DDX46: variants seen among roughly 807,000 people sequenced by gnomAD.
DDX46 encodes DEAD-box helicase 46.
Under a neutral mutation model 134.9 loss-of-function variants are expected in DDX46, and 30 were observed. The observed-to-expected ratio is 0.22, with a 90% CI of 0.17 to 0.30. DDX46 has a LOEUF of 0.30. Among genes scored for constraint, DDX46 ranks in the 10% least tolerant of loss-of-function variants. The pLI is 1.00. For synonymous variants in DDX46, 415 were observed against 404.1 expected, an observed-to-expected ratio of 1.03 and a Z score of -0.32; for missense variants, 622 against 1,248.7, an observed-to-expected ratio of 0.50 and a Z score of 7.56.
intron 12 of DDX46, among the ~76,000 whole-genome samples, chr5:134,788,991 A>C (rs1374718023): frequency 6.6e-6 from 1 of 152,180 alleles, no homozygotes; most frequent in Non-Finnish European, 1.5e-5. Context: ...TTTGCTTAGT[A>C]AAAGAGTGGG....
intron 6 of DDX46, among the ~76,000 whole-genome samples, chr5:134,779,186 T>G (rs578128762): frequency 2.0e-5 from 3 of 150,708 alleles, no homozygotes; most frequent in South Asian, 4.2e-4. Context: ...CATTAGCCAC[T>G]GCACCTGTCC....
At position 134,758,798 on chromosome 5, in the gene DDX46, T is replaced by C; in HGVS notation, c.-141T>C. 7.3e-7 allele frequency: 1 copy of C among 1,363,668 alleles called. No individual in the cohort carries two copies. The highest frequency in any genetic ancestry group is 1.0e-6 in the Non-Finnish European group (1 of 975,538). The allele number at this position is 1,363,668 out of a possible 1,614,324, so 84.5% of individuals were successfully genotyped here. A position where few individuals can be genotyped will look rare whatever the true frequency, so the allele number is the denominator to read the frequency against. ...CACGTCCTGTTTTCGTTGGCCGCGC[T>C]GGGATGGCCGCCACAGCTGTAGGTG... is the stretch of plus-strand genomic sequence containing the variant. On this transcript the variant is annotated 5_prime_UTR_variant, in exon 1 of 23. Transcript: ENST00000452510.
Position 134,784,348 on chromosome 5 carries a change from T to G in DDX46, c.1167-18T>G. The G allele has an allele frequency of 1.3e-6, 2 of 1,586,438 alleles. No individual in the cohort carries two copies. The highest frequency in any genetic ancestry group is 1.7e-6 in the Non-Finnish European group (2 of 1,168,418). On this transcript the variant is annotated intron_variant, in intron 9 of 22. Transcript: ENST00000452510. ...AATCTCAATTCTTACCTTTTCTTCC[T>G]TTGGTTTTCTTTTTAAGGCATGGCT...
chr5:134,785,461 C>T lies in DDX46; in HGVS notation c.1343-4C>T, dbSNP rs1754303540. Reference sequence around the variant, plus strand: ...TTAGGCTACTGATGTATTTATCTTTCCAGCTGTCATCATGACTCCAACTCG... The same window carrying T: ...TTAGGCTACTGATGTATTTATCTTTTCAGCTGTCATCATGACTCCAACTCG... On this transcript the variant is annotated splice_region_variant and splice_polypyrimidine_tract_variant and intron_variant, in intron 10 of 22. Transcript: ENST00000452510. 6.2e-7 allele frequency: 1 copy of T among 1,611,848 alleles called. No individual in the cohort carries two copies.
intron 3 of DDX46, 141 bp downstream of exon 3, chr5:134,767,201 T>C: frequency 1.0e-6 from 1 of 1,004,038 alleles, no homozygotes; most frequent in Non-Finnish European, 1.4e-6. Context: ...TTGGCAGTGT[T>C]TTATTTTAAT....
intron 19 of DDX46, 166 bp from the exon 20 acceptor site, chr5:134,817,330 A>G (rs1755311790): frequency 1.6e-6 from 1 of 637,770 alleles, no homozygotes; most frequent in Non-Finnish European, 2.6e-6. Flanking sequence ...TACATTATAA[A>G]TATATATTGC....
intron 18 of DDX46, among the ~76,000 whole-genome samples, chr5:134,814,678 G>C (rs866663698): frequency 6.6e-6 from 1 of 152,166 alleles, no homozygotes; most frequent in Admixed American, 6.5e-5. Flanking sequence ...GTAAAGTGGC[G>C]TGATCTTGGC....
chr5:134,829,483 T>A lies in DDX46; in HGVS notation c.*777T>A, dbSNP rs1755678656. 1 of 152,220 alleles carries A rather than the reference T, an allele frequency of 6.6e-6. No homozygotes were observed. The highest frequency in any genetic ancestry group is 1.5e-5 in the Non-Finnish European group (1 of 68,030). 9.4% of individuals were successfully genotyped at this position (152,220 alleles called of 1,614,324 possible). ...ATACCTTTTCCTTCTAGAAAGTGTT[T>A]ATTTATATATCTATACATGTTGTAT... is the stretch of plus-strand genomic sequence containing the variant. On this transcript the variant is annotated 3_prime_UTR_variant, in exon 23 of 23. Transcript: ENST00000452510.
chr5:134,777,855 C>G (rs1265466890), intron 6 of DDX46, 130 bp downstream of exon 6: 1 of 1,144,102 alleles, frequency 8.7e-7, no homozygotes, highest in East Asian at 2.6e-5. Flanking sequence ...TGAGAGATGG[C>G]AGTACTTTTT....
At chr5:134,778,401 T>C (rs928400607) in intron 6 of DDX46, among the ~76,000 whole-genome samples, 1 of 152,110 alleles carries the variant, frequency 6.6e-6, no homozygotes, top group Non-Finnish European at 1.5e-5. Context: ...ACAAATTATA[T>C]AATTTTTTTG....
In DDX46 at chr5:134,758,829, A is replaced by G. The variant is rs1212340474; in HGVS notation, c.-110A>G. ...GGCCGCCACAGCTGTAGGTGCTGCT[A>G]GTGTTTAGCGCTGGTCTTTGCCGGG... is the stretch of plus-strand genomic sequence containing the variant. On this transcript the variant is annotated 5_prime_UTR_variant, in exon 1 of 23. Transcript: ENST00000452510. 9.9e-6 allele frequency: 15 copies of G among 1,519,896 alleles called. No individual in the cohort carries two copies. Among genetic ancestry groups the G allele is most frequent in the African/African-American group, 6.9e-5 (5 of 72,946 alleles). 94.2% of individuals were successfully genotyped at this position (1,519,896 alleles called of 1,614,324 possible).
At chr5:134,814,177 TAACTG>T (rs1755224824) in intron 18 of DDX46, among the ~76,000 whole-genome samples, 1 of 152,170 alleles carries the variant, frequency 6.6e-6, no homozygotes, top group Non-Finnish European at 1.5e-5. Context: ...GTTAATCTCT[TAACTG>T]TACCTAATTT....
chr5:134,808,889 A>G (rs751582471), intron 16 of DDX46, among the ~76,000 whole-genome samples: 1 of 152,242 alleles, frequency 6.6e-6, no homozygotes, highest in African/African-American at 2.4e-5. Context: ...TGGATAACGT[A>G]TTATCTGCCA....
intron 13 of DDX46, among the ~76,000 whole-genome samples, chr5:134,791,996 G>A (rs1200692311): frequency 6.6e-6 from 1 of 152,054 alleles, no homozygotes; most frequent in Non-Finnish European, 1.5e-5. Flanking sequence ...GGCCAACATC[G>A]TGAAACCCCG....
At chr5:134,788,373 AG>A (rs1754404396) in intron 11 of DDX46, 139 bp from the exon 12 acceptor site, 8 of 577,332 alleles carry the variant, frequency 1.4e-5, no homozygotes, top group Non-Finnish European at 2.4e-5. Context: ...CTATTTCTTT[AG>A]TAGTGCCCCG....
At chr5:134,826,100 CTG>C (rs1231299786) in intron 21 of DDX46, 3 of 152,196 alleles carry the variant, frequency 2.0e-5, no homozygotes, top group Non-Finnish European at 4.4e-5. Flanking sequence ...AAACACTTAA[CTG>C]TGCCTTTCAG....
intron 15 of DDX46, among the ~76,000 whole-genome samples, chr5:134,799,986 C>T (rs561737261): frequency 1.3e-5 from 2 of 152,268 alleles, no homozygotes; most frequent in South Asian, 2.1e-4. Flanking sequence ...GTCGCTCTGT[C>T]GCCCAGGCTG....
chr5:134,765,365 G>A (rs1753534556), intron 2 of DDX46, among the ~76,000 whole-genome samples: 1 of 144,014 alleles, frequency 6.9e-6, no homozygotes, highest in Admixed American at 7.2e-5. Context: ...CCAACATGGT[G>A]AAACCCCGTC....
At chr5:134,791,641 A>AT (rs1243415401) in intron 13 of DDX46, among the ~76,000 whole-genome samples, 1 of 152,230 alleles carries the variant, frequency 6.6e-6, no homozygotes, top group South Asian at 2.1e-4. Flanking sequence ...CAAAAAATGA[A>AT]TAAAAAAGGA....
Sources: allele counts gnomAD v4.1 joint callset (sites outside exome capture counted in the v4.1 genomes callset), GRCh38; gene constraint gnomAD v4.1.1; transcripts MANE v1.5; gene names NCBI Gene and HGNC (gene_info 2026-07-23, HGNC 2026-07-21).